Variants in CPAP observed in about 807,000 individuals in gnomAD.
CPAP encodes the protein centrosomal P4.1-associated protein.
chr13:24,884,201 C>T, the CPAP span: 324 of 1,614,008 alleles, frequency 2.0e-4, no homozygotes, highest in Non-Finnish European at 2.6e-4. Flanking sequence ...CCAGTCCCTC[C>T]GGGTATGTCG....
chr13:24,884,011 C>T, the CPAP span: 1 of 1,613,994 alleles, frequency 6.2e-7, no homozygotes, highest in Non-Finnish European at 8.5e-7. Flanking sequence ...TTCTTCTTGT[C>T]CATCAGGAAA....
the CPAP span, among the ~76,000 whole-genome samples, chr13:24,919,881 A>G: frequency 6.6e-6 from 1 of 152,156 alleles, no homozygotes; most frequent in Non-Finnish European, 1.5e-5. Flanking sequence ...CTCCCATCTC[A>G]GCCTCCAGAG....
At chr13:24,907,989 A>T in the CPAP span, 1 of 1,407,254 alleles carries the variant, frequency 7.1e-7, no homozygotes, top group Non-Finnish European at 1.0e-6. Flanking sequence ...CTAAATAGTC[A>T]CATTTCTCAC....
chr13:24,909,855 G>A, the CPAP span: 1 of 1,613,942 alleles, frequency 6.2e-7, no homozygotes, highest in Non-Finnish European at 8.5e-7. Context: ...TTGATACTGT[G>A]CCTCAGAAAA....
chr13:24,922,583 G>T, the CPAP span, among the ~76,000 whole-genome samples: 24 of 152,248 alleles, frequency 1.6e-4, no homozygotes, highest in Non-Finnish European at 2.8e-4. Context: ...CGAAGCCACT[G>T]AACTGCCGTG....
chr13:24,890,611 C>T, the CPAP span, among the ~76,000 whole-genome samples: 8 of 152,324 alleles, frequency 5.3e-5, no homozygotes, highest in South Asian at 1.7e-3. Flanking sequence ...AAAATATGTG[C>T]AATTCTTATT....
chr13:24,887,785 T>A, the CPAP span, among the ~76,000 whole-genome samples: 1 of 152,210 alleles, frequency 6.6e-6, no homozygotes, highest in Non-Finnish European at 1.5e-5. Context: ...TGGTCCCTGA[T>A]GCCAAAAAGG....
the CPAP span, among the ~76,000 whole-genome samples, chr13:24,909,305 T>C: frequency 0.19 from 28,167 of 152,094 alleles, 2,832 homozygotes; most frequent in South Asian, 0.32. Context: ...GGCAGGCAGA[T>C]CACTTGAGGC....
At chr13:24,924,718 A>T in the CPAP span, 14 of 152,196 alleles carry the variant, frequency 9.2e-5, no homozygotes, top group African/African-American at 3.4e-4. Context: ...GTTCTGATAC[A>T]ATTCTTTATG....
At chr13:24,911,857 CAT>C in the CPAP span, 8 of 1,509,108 alleles carry the variant, frequency 5.3e-6, no homozygotes, top group African/African-American at 2.7e-5. Flanking sequence ...GTTCACAACA[CAT>C]GATACAGGAA....
At chr13:24,920,801 A>G in the CPAP span, among the ~76,000 whole-genome samples, 2 of 115,388 alleles carry the variant, frequency 1.7e-5, no homozygotes, top group Admixed American at 1.7e-4. Context: ...TTTTTTTTGT[A>G]TTTTTAGTAG....
At chr13:24,891,930 G>GGC in the CPAP span, among the ~76,000 whole-genome samples, 1 of 152,056 alleles carries the variant, frequency 6.6e-6, no homozygotes, top group Admixed American at 6.6e-5. Flanking sequence ...AGGCTCAGGC[G>GGC]GCCACCCAGG....
chr13:24,895,223 C>A, the CPAP span, among the ~76,000 whole-genome samples: 1 of 152,266 alleles, frequency 6.6e-6, no homozygotes, highest in East Asian at 1.9e-4. Flanking sequence ...CTCAGAGCAG[C>A]CCCGGAGGAG....
At chr13:24,903,928 G>C in the CPAP span, 4 of 1,614,022 alleles carry the variant, frequency 2.5e-6, no homozygotes, top group South Asian at 4.4e-5. Flanking sequence ...AAACGTACCT[G>C]AGTTTTTCCA....
the CPAP span, chr13:24,904,205 G>GA: frequency 4.9e-5 from 45 of 924,680 alleles, no homozygotes; most frequent in Non-Finnish European, 7.0e-5. Flanking sequence ...ACATGAAAAG[G>GA]AAAAAAAATT....
At chr13:24,920,602 T>A in the CPAP span, among the ~76,000 whole-genome samples, 1 of 148,760 alleles carries the variant, frequency 6.7e-6, no homozygotes, top group Non-Finnish European at 1.5e-5. Context: ...TGTGTGAACA[T>A]CAGACAAATA....
the CPAP span, among the ~76,000 whole-genome samples, chr13:24,898,042 C>A: frequency 6.6e-6 from 1 of 152,148 alleles, no homozygotes; most frequent in African/African-American, 2.4e-5. Context: ...ACTACAGGCA[C>A]ACCACGACAC....
At chr13:24,912,443 T>C in the CPAP span, 3 of 738,612 alleles carry the variant, frequency 4.1e-6, no homozygotes, top group East Asian at 2.6e-5. Flanking sequence ...TGTTTCACAT[T>C]AGACAAAGGG....
the CPAP span, chr13:24,886,017 TG>T: frequency 5.2e-6 from 2 of 382,696 alleles, no homozygotes; most frequent in Admixed American, 7.3e-5. Context: ...ACCAAATAAC[TG>T]GGTATTTAGT....
Sources: allele counts gnomAD v4.1 joint callset (sites outside exome capture counted in the v4.1 genomes callset), GRCh38; gene constraint gnomAD v4.1.1; transcripts MANE v1.5; gene names NCBI Gene and HGNC (gene_info 2026-07-23, HGNC 2026-07-21).